Variants in ITIH5 observed in about 807,000 individuals in gnomAD.
ITIH5 encodes inter-alpha-trypsin inhibitor heavy chain H5.
A neutral mutation model predicts 77.5 loss-of-function variants in ITIH5; 65 were observed. The observed-to-expected ratio is 0.84, with a 90% CI of 0.69 to 1.03. ITIH5 has a LOEUF of 1.03. ITIH5 is among the 50% of genes least tolerant of loss of function. The pLI, the probability that ITIH5 is intolerant of heterozygous loss-of-function variation, is 0.00. For missense variants in ITIH5, 1,208 were observed against 1,213.1 expected, an observed-to-expected ratio of 1.00 and a Z score of 0.06; for synonymous variants, 525 against 494.3, an observed-to-expected ratio of 1.06 and a Z score of -0.82.
chr10:7,595,242 A>G (rs1052106844), intron 7 of ITIH5, among the ~76,000 whole-genome samples: 3 of 152,204 alleles, frequency 2.0e-5, no homozygotes, highest in African/African-American at 7.2e-5. Flanking sequence ...AAAAAATAAT[A>G]AAATTAAAAT....
intron 8 of ITIH5, among the ~76,000 whole-genome samples, chr10:7,585,476 C>A (rs1017822083): frequency 1.3e-5 from 2 of 152,164 alleles, no homozygotes; most frequent in African/African-American, 4.8e-5. Flanking sequence ...TGCAGCTCTA[C>A]CAAGAGGGCT....
chr10:7,617,315 TAATA>T, intron 5 of ITIH5, 33 bp from the exon 6 acceptor site: 2 of 1,290,982 alleles, frequency 1.5e-6, no homozygotes, highest in Non-Finnish European at 2.0e-6. Context: ...ATTAATAACT[TAATA>T]TATATTTTTC....
intron 5 of ITIH5, chr10:7,619,635 C>A: frequency 2.7e-6 from 1 of 372,274 alleles, no homozygotes. Flanking sequence ...AGAAGGCAAA[C>A]GCAAAGCGAA....
intron 5 of ITIH5, among the ~76,000 whole-genome samples, chr10:7,633,916 C>T (rs1833753356): frequency 6.6e-6 from 1 of 151,698 alleles, no homozygotes; most frequent in South Asian, 2.1e-4. Flanking sequence ...AGTGAAACCT[C>T]GTCTCTACTA....
At chr10:7,581,870 A>ATTTTTT (rs34386089) in intron 8 of ITIH5, among the ~76,000 whole-genome samples, 5 of 81,450 alleles carry the variant, frequency 6.1e-5, no homozygotes, top group Admixed American at 1.5e-4. Context: ...CCACCCATGT[A>ATTTTTT]TTTTTTTTTT....
intron 13 of ITIH5, among the ~76,000 whole-genome samples, 169 bp downstream of exon 13, chr10:7,565,861 T>G (rs1832142028): frequency 6.6e-6 from 1 of 150,948 alleles, no homozygotes; most frequent in African/African-American, 2.4e-5. Flanking sequence ...ATAGACTATA[T>G]ATATGTACAC....
rs779842688 is a variant in ITIH5 at position 7,586,028 on chromosome 10, G to T, written c.981C>A (p.Pro327=). 6.2e-7 allele frequency: 1 copy of T among 1,613,922 alleles called. No homozygotes were observed. Among genetic ancestry groups the T allele is most frequent in the Non-Finnish European group, 8.5e-7 (1 of 1,179,974 alleles). Residue 327 remains proline, a synonymous_variant, in exon 8 of 14, where the codon CCC becomes CCA. Transcript: ENST00000397146. ...ALFTILHDLR[P]QDRFSIIGFS... is the part of the protein sequence containing the mutation. ...ATCCAATGATACTGAAACGGTCCTG[G>T]GGTCGGAGGTCATGGAGAATTGTGA...
At chr10:7,566,848 GA>G in intron 12 of ITIH5, among the ~76,000 whole-genome samples, 9 of 12,332 alleles carry the variant, frequency 7.3e-4, no homozygotes, top group Non-Finnish European at 1.1e-3. Flanking sequence ...GGAAGAGGAA[GA>G]AGAAGAAGAA....
intron 1 of ITIH5, among the ~76,000 whole-genome samples, chr10:7,655,922 C>T (rs560120244): frequency 6.6e-5 from 10 of 152,256 alleles, no homozygotes; most frequent in Middle Eastern, 3.4e-3. Context: ...ACTATCTCAT[C>T]GCCTGAGCAT....
At chr10:7,644,237 C>A (rs1287427185) in intron 2 of ITIH5, among the ~76,000 whole-genome samples, 9 of 136,426 alleles carry the variant, frequency 6.6e-5, no homozygotes, top group African/African-American at 8.7e-5. Flanking sequence ...GACCCTGTCA[C>A]AGAAAAAAAA....
At chr10:7,640,657 G>A (rs1238824503) in intron 4 of ITIH5, 97 bp downstream of exon 4, 2 of 721,776 alleles carry the variant, frequency 2.8e-6, no homozygotes, top group East Asian at 5.0e-5. Flanking sequence ...AAAAGTATTT[G>A]GAGGAAAGGA....
intron 1 of ITIH5, among the ~76,000 whole-genome samples, chr10:7,663,461 C>T (rs1480636329): frequency 6.6e-6 from 1 of 152,086 alleles, no homozygotes; most frequent in East Asian, 1.9e-4. Context: ...AAAACATAAG[C>T]TCCAGGACAC....
chr10:7,647,707 C>T (rs573116214), intron 2 of ITIH5, among the ~76,000 whole-genome samples: 2 of 152,264 alleles, frequency 1.3e-5, no homozygotes, highest in South Asian at 2.1e-4. Flanking sequence ...GATCTTTACA[C>T]ACTTTGTTAT....
chr10:7,644,548 G>GATATATATCAC (rs371123189), intron 2 of ITIH5, among the ~76,000 whole-genome samples: 1 of 61,962 alleles, frequency 1.6e-5, no homozygotes, highest in Non-Finnish European at 3.1e-5. Context: ...ACATATATAT[G>GATATATATCAC]ATATATCACA....
chr10:7,596,539 C>T (rs753258492), intron 7 of ITIH5, among the ~76,000 whole-genome samples: 1 of 152,184 alleles, frequency 6.6e-6, no homozygotes, highest in African/African-American at 2.4e-5. Flanking sequence ...AAGGAGAACC[C>T]ATGACATCAC....
intron 12 of ITIH5, among the ~76,000 whole-genome samples, chr10:7,567,938 A>AGGG (rs1832220938): frequency 6.6e-6 from 1 of 152,228 alleles, no homozygotes; most frequent in Non-Finnish European, 1.5e-5. Flanking sequence ...GGAAAACCTA[A>AGGG]CAGAATTTTT....
chr10:7,649,210 T>C (rs11812386), intron 2 of ITIH5, among the ~76,000 whole-genome samples: 1 of 143,114 alleles, frequency 7.0e-6, no homozygotes, highest in African/African-American at 2.6e-5. Flanking sequence ...TTCTCCTTCT[T>C]CTCCTCTTTC....
intron 8 of ITIH5, 58 bp downstream of exon 8, chr10:7,585,843 A>AAC: frequency 9.5e-6 from 11 of 1,156,362 alleles, no homozygotes; most frequent in East Asian, 2.7e-5. Flanking sequence ...AAAAAAAACC[A>AAC]AAAAAAAAAA....
At chr10:7,572,771 C>CTTT (rs528912890) in intron 11 of ITIH5, 45,699 of 87,286 alleles carry the variant, frequency 0.52, 14,547 homozygotes, top group Non-Finnish European at 0.6. Flanking sequence ...TGGTTTTACA[C>CTTT]TTTTTTTTTT....
Sources: allele counts gnomAD v4.1 joint callset (sites outside exome capture counted in the v4.1 genomes callset), GRCh38; gene constraint gnomAD v4.1.1; transcripts MANE v1.5; gene names NCBI Gene and HGNC (gene_info 2026-07-23, HGNC 2026-07-21).